CSMD1: variants seen among roughly 807,000 people sequenced by gnomAD.
The protein encoded by CSMD1 is CUB and sushi domain-containing protein 1.
In CSMD1, 213 loss-of-function variants were observed where a neutral mutation model predicts 417.5. That is an observed-to-expected ratio of 0.51 (90% confidence interval 0.46 to 0.57). CSMD1 has a LOEUF of 0.57. Ranked by LOEUF, CSMD1 falls within the 20% of genes least tolerant of loss-of-function variation. CSMD1 has a pLI of 0.00. For missense variants in CSMD1, 6,923 were observed against 4,529.7 expected (o/e 1.53, Z -15.17); for synonymous variants, 2,862 against 1,736.8 (o/e 1.65, Z -16.11).
intron 12 of CSMD1, among the ~76,000 whole-genome samples, chr8:3,439,784 G>C (rs946395796): frequency 3.3e-5 from 5 of 151,944 alleles, no homozygotes; most frequent in African/African-American, 4.8e-5. Flanking sequence ...ACTTTTATAT[G>C]TTTACATTTA....
At chr8:4,256,227 C>T (rs1243050862) in intron 3 of CSMD1, among the ~76,000 whole-genome samples, 1 of 152,184 alleles carries the variant, frequency 6.6e-6, no homozygotes, top group African/African-American at 2.4e-5. Flanking sequence ...TGCATTTGTG[C>T]TCAAACCAAC....
chr8:4,518,673 G>A (rs1486868854), intron 2 of CSMD1, among the ~76,000 whole-genome samples: 3 of 147,724 alleles, frequency 2.0e-5, no homozygotes, highest in Non-Finnish European at 3.0e-5. Context: ...GCTAAATGAC[G>A]AGTTAACGGT....
intron 10 of CSMD1, among the ~76,000 whole-genome samples, chr8:3,573,490 C>T (rs1800025420): frequency 1.3e-5 from 2 of 152,184 alleles, no homozygotes; most frequent in Non-Finnish European, 1.5e-5. Flanking sequence ...AGAAATTCCT[C>T]AGTGTTTCAG....
chr8:3,723,720 A>T (rs1248260827), intron 6 of CSMD1, among the ~76,000 whole-genome samples: 3 of 152,182 alleles, frequency 2.0e-5, no homozygotes, highest in Admixed American at 6.5e-5. Flanking sequence ...TTTTTTACTT[A>T]TTGCACAATA....
chr8:3,510,923 A>G (rs190739260), intron 10 of CSMD1, among the ~76,000 whole-genome samples: 1 of 151,820 alleles, frequency 6.6e-6, no homozygotes, highest in African/African-American at 2.4e-5. Flanking sequence ...TCAGAGATAC[A>G]TGCACACGTA....
intron 1 of CSMD1, among the ~76,000 whole-genome samples, chr8:4,897,978 C>T (rs547334805): frequency 1.3e-5 from 2 of 152,148 alleles, no homozygotes; most frequent in African/African-American, 2.4e-5. Flanking sequence ...TAAATTATCC[C>T]GGGCTACTTT....
intron 11 of CSMD1, among the ~76,000 whole-genome samples, chr8:3,490,784 G>C (rs2406294): frequency 1.3e-5 from 2 of 151,860 alleles, no homozygotes; most frequent in African/African-American, 4.8e-5. Flanking sequence ...GGCAGGCAGT[G>C]TGTGCGACGA....
chr8:4,549,695 C>T (rs1188112491), intron 2 of CSMD1, among the ~76,000 whole-genome samples: 3 of 151,718 alleles, frequency 2.0e-5, no homozygotes, highest in Non-Finnish European at 4.4e-5. Context: ...TCAAGACCAG[C>T]CTGGGCAACA....
rs952453995 is a variant in CSMD1 at position 4,563,236 on chromosome 8, C to T, written c.302+74106G>A. Reference sequence around the variant, plus strand: ...CTAACACGGTGAAACCCCGTCTCTACTAAAAATACAAAAAATTAGCCGGAC... The same window carrying T: ...CTAACACGGTGAAACCCCGTCTCTATTAAAAATACAAAAAATTAGCCGGAC... On this transcript the variant is annotated intron_variant, in intron 2 of 69. Coordinates refer to ENST00000635120, the MANE Select transcript of CSMD1 (RefSeq NM_033225.6). Among the ~76,000 whole-genome samples the T allele has an allele frequency of 7.2e-5, 11 of 152,154 alleles. No homozygotes were observed. The East Asian group carries it at 2.1e-3, about 30-fold the overall frequency.
chr8:3,974,506 A>C (rs1209252729), intron 5 of CSMD1, among the ~76,000 whole-genome samples: 1 of 152,092 alleles, frequency 6.6e-6, no homozygotes. Context: ...TTTATTTTTA[A>C]AAATAAAATC....
At chr8:3,586,112 C>G in intron 9 of CSMD1, 24 bp downstream of exon 9, 2 of 1,603,830 alleles carry the variant, frequency 1.2e-6, no homozygotes, top group African/African-American at 1.3e-5. Context: ...ATAATCCAGG[C>G]TTTACCCACC....
rs190062565 is a variant in CSMD1, at chr8:4,883,383, A to T, written c.85+110949T>A. Among the ~76,000 whole-genome samples the T allele has an allele frequency of 1.8e-3, 267 of 152,224 alleles. 4 individuals are homozygous for T. Among genetic ancestry groups the T allele is most frequent in the African/African-American group, 5.9e-3 (243 of 41,492 alleles). On this transcript the variant is annotated intron_variant, in intron 1 of 69. Coordinates refer to ENST00000635120, the MANE Select transcript of CSMD1 (RefSeq NM_033225.6). ...TTTACCATTTTAAATAATACGTTTC[A>T]GTGGTTTTCAGTATATTGAAATGCA... is the stretch of plus-strand genomic sequence containing the variant.
intron 5 of CSMD1, among the ~76,000 whole-genome samples, chr8:3,964,738 C>G (rs956073279): frequency 6.6e-6 from 1 of 152,196 alleles, no homozygotes; most frequent in Non-Finnish European, 1.5e-5. Context: ...ACTTGCGTGA[C>G]ACATACATTG....
chr8:3,615,976 A>G (rs961422940), intron 8 of CSMD1, among the ~76,000 whole-genome samples: 27 of 152,332 alleles, frequency 1.8e-4, no homozygotes, highest in African/African-American at 6.5e-4. Context: ...GAAAATCAGT[A>G]TCTAGTTCAC....
intron 7 of CSMD1, among the ~76,000 whole-genome samples, chr8:3,651,447 G>T (rs1024125306): frequency 2.0e-5 from 3 of 152,040 alleles, no homozygotes; most frequent in Admixed American, 1.3e-4. Flanking sequence ...ATGCCTCAGG[G>T]TCTGTGCACG....
intron 3 of CSMD1, among the ~76,000 whole-genome samples, chr8:4,395,757 T>TA (rs149515783): frequency 0.17 from 24,950 of 150,998 alleles, 2,157 homozygotes; most frequent in Admixed American, 0.25. Flanking sequence ...TAAGCATTTG[T>TA]AAAAAAAAAT....
At chr8:3,879,894 G>C (rs936474177) in intron 5 of CSMD1, among the ~76,000 whole-genome samples, 2 of 151,888 alleles carry the variant, frequency 1.3e-5, no homozygotes, top group Non-Finnish European at 2.9e-5. Flanking sequence ...TTGTATTCAC[G>C]TTTTTATCCC....
intron 39 of CSMD1, among the ~76,000 whole-genome samples, chr8:3,155,359 A>ATTTTTTTT (rs556304192): frequency 0.02 from 871 of 43,246 alleles, 258 homozygotes; most frequent in African/African-American, 0.036. Context: ...CAAGGCTGGG[A>ATTTTTTTT]TTTTTTTTTT....
rs1054289865 is a variant in CSMD1, at chr8:4,199,188, G to A, written c.416-167089C>T. ...AGCACTGGGGATGATCCTACTTTCAGAAACATTAAAAAATACAATACCAAA... is the reference window on the plus strand; with the variant it reads ...AGCACTGGGGATGATCCTACTTTCAAAAACATTAAAAAATACAATACCAAA... On this transcript the variant is annotated intron_variant, in intron 3 of 69. Coordinates refer to ENST00000635120, the MANE Select transcript of CSMD1 (RefSeq NM_033225.6). 7.3e-5 allele frequency among the ~76,000 whole-genome samples: 11 copies of A among 151,234 alleles called. No homozygotes were observed. The Middle Eastern group carries it at 0.01, about 140-fold the overall frequency.
Sources: gnomAD v4.1 joint callset for allele counts (sites outside exome capture counted in the v4.1 genomes callset) on GRCh38, gnomAD v4.1.1 for gene constraint, MANE v1.5 for transcripts, NCBI Gene and HGNC (gene_info 2026-07-23, HGNC 2026-07-21) for gene names.